Variants in GLYATL2 observed in about 807,000 individuals in gnomAD.
The protein encoded by GLYATL2 is glycine N-acyltransferase-like protein 2.
In GLYATL2, 25 loss-of-function variants were observed where a neutral mutation model predicts 21.4. That is an observed-to-expected ratio of 1.17 (90% CI 0.85 to 1.63). The LOEUF (loss-of-function observed/expected upper bound fraction) is 1.63. Ranked by LOEUF, GLYATL2 falls within the 40% of genes most tolerant of loss-of-function variation. The pLI is 0.00. For synonymous variants in GLYATL2, 114 were observed against 118.2 expected (o/e 0.96, Z 0.23); for missense variants, 361 against 343.3 (o/e 1.05, Z -0.41).
rs978132949 is a variant in GLYATL2, at chr11:58,883,262, A to C, written n.60+20894T>G. On this transcript the variant is annotated intron_variant and non_coding_transcript_variant, in intron 1 of 4. Coordinates refer to the GLYATL2 transcript ENST00000533636. ...GTGGTTTGTAGTTCTCCTTCAAAAA[A>C]ATCAATGAATCCAGGAGCTGGTTTT... 2.0e-5 allele frequency among the ~76,000 whole-genome samples: 3 copies of C among 152,114 alleles called. No individual in the cohort carries two copies. In the East Asian group the frequency reaches 5.8e-4, roughly 29 times the overall value.
At chr11:58,870,384 G>T (rs1342099990) in intron 1 of GLYATL2, among the ~76,000 whole-genome samples, 1 of 152,220 alleles carries the variant, frequency 6.6e-6, no homozygotes, top group Non-Finnish European at 1.5e-5. Flanking sequence ...GGTGACTGGA[G>T]TCTAAGTCAT....
chr11:58,902,488 C>T (rs1345709271), intron 1 of GLYATL2, among the ~76,000 whole-genome samples: 4 of 152,154 alleles, frequency 2.6e-5, no homozygotes, highest in Admixed American at 6.5e-5. Context: ...TCTGTATTCC[C>T]AGAACATGTT....
chr11:58,891,259 T>C (rs893141924), intron 1 of GLYATL2, among the ~76,000 whole-genome samples: 1 of 152,196 alleles, frequency 6.6e-6, no homozygotes, highest in Admixed American at 6.5e-5. Flanking sequence ...CACTTATTGT[T>C]TATATTTCCC....
intron 1 of GLYATL2, among the ~76,000 whole-genome samples, chr11:58,874,203 G>A (rs1037561424): frequency 2.6e-5 from 4 of 152,068 alleles, no homozygotes; most frequent in Admixed American, 2.6e-4. Context: ...AGTCTTGCTA[G>A]TGGTCTATCA....
At chr11:58,905,447 G>A (rs574582777), upstream of GLYATL2, 1 of 455,682 alleles carries the variant, frequency 2.2e-6, no homozygotes, top group Non-Finnish European at 4.4e-6. Flanking sequence ...GGGCAGCAAT[G>A]GCCACACACC....
chr11:58,874,707 A>G (rs1854193298), intron 1 of GLYATL2, among the ~76,000 whole-genome samples: 1 of 152,224 alleles, frequency 6.6e-6, no homozygotes, highest in African/African-American at 2.4e-5. Context: ...CTTTACTTCC[A>G]ACTATGTGGT....
chr11:58,905,742 G>A (rs1021719794), upstream of GLYATL2: 1 of 369,448 alleles, frequency 2.7e-6, no homozygotes, highest in Non-Finnish European at 5.4e-6. Context: ...GACAAATAGG[G>A]AGGGTGGGCG....
intron 1 of GLYATL2, among the ~76,000 whole-genome samples, chr11:58,854,648 T>A (rs1242740413): frequency 6.6e-6 from 1 of 151,638 alleles, no homozygotes; most frequent in Non-Finnish European, 1.5e-5. Context: ...CAAATAAGCT[T>A]GTTGCATTGA....
chr11:58,872,318 G>A (rs1036976912), intron 1 of GLYATL2, among the ~76,000 whole-genome samples: 1 of 152,142 alleles, frequency 6.6e-6, no homozygotes, highest in Non-Finnish European at 1.5e-5. Context: ...TTTGGCTTTC[G>A]TTGCCATTGC....
At chr11:58,841,211 T>C (rs1429228158) in intron 1 of GLYATL2, among the ~76,000 whole-genome samples, 2 of 152,162 alleles carry the variant, frequency 1.3e-5, no homozygotes, top group Non-Finnish European at 2.9e-5. Context: ...AAATATGACA[T>C]CTATGTATGC....
Position 58,834,612 on chromosome 11 carries a change from G to T in GLYATL2, c.702C>A (p.His234Gln), listed in dbSNP as rs1274087477. 1.2e-6 allele frequency: 2 copies of T among 1,613,538 alleles called. No individual in the cohort carries two copies. Among genetic ancestry groups the T allele is most frequent in the Admixed American group, 1.7e-5 (1 of 59,998 alleles). Reference protein sequence around the residue: ...RMGYTVPKYRHQGNMLQIGYH... With the variant: ...RMGYTVPKYRQQGNMLQIGYH... ...AACCAATTTGCAACATGTTGCCTTGGTGTCTGTATTTGGGGACAGTATAAC... is the reference window on the plus strand; with the variant it reads ...AACCAATTTGCAACATGTTGCCTTGTTGTCTGTATTTGGGGACAGTATAAC... The change falls in exon 6 of 6, where the codon CAC becomes CAA. Residue 234 changes from histidine (H) to glutamine (Q), a missense_variant. Transcript: ENST00000287275.
chr11:58,884,727 C>T (rs558855868), intron 1 of GLYATL2, among the ~76,000 whole-genome samples: 139 of 152,242 alleles, frequency 9.1e-4, no homozygotes, highest in African/African-American at 3.2e-3. Context: ...ATCTGACTGA[C>T]ATTTATCTCT....
At chr11:58,889,081 C>G (rs1348563724) in intron 1 of GLYATL2, among the ~76,000 whole-genome samples, 1 of 151,542 alleles carries the variant, frequency 6.6e-6, no homozygotes, top group East Asian at 1.9e-4. Context: ...TATTGTTTTC[C>G]TGTGGTAAAC....
At chr11:58,841,243 G>A (rs1853546305) in intron 1 of GLYATL2, among the ~76,000 whole-genome samples, 1 of 152,108 alleles carries the variant, frequency 6.6e-6, no homozygotes, top group Non-Finnish European at 1.5e-5. Flanking sequence ...TAAGTGTATA[G>A]CCATAATCAA....
chr11:58,884,056 T>C (rs1419958551), intron 1 of GLYATL2, among the ~76,000 whole-genome samples: 3 of 152,158 alleles, frequency 2.0e-5, no homozygotes, highest in Non-Finnish European at 4.4e-5. Flanking sequence ...TAGGTATTGA[T>C]GGGATGAATC....
intron 1 of GLYATL2, among the ~76,000 whole-genome samples, chr11:58,882,911 A>G (rs1363780833): frequency 6.6e-6 from 1 of 152,070 alleles, no homozygotes; most frequent in Admixed American, 6.6e-5. Context: ...GTTCTGTTCC[A>G]TTGGTCTATA....
intron 1 of GLYATL2, 69 bp from the exon 2 acceptor site, chr11:58,839,721 G>C (rs975473201): frequency 4.2e-6 from 3 of 707,552 alleles, no homozygotes; most frequent in Admixed American, 2.6e-5. Context: ...GAAGAGGAAG[G>C]AGAAGTCACC....
intron 3 of GLYATL2, 114 bp from the exon 4 acceptor site, chr11:58,837,511 C>A: frequency 9.7e-7 from 1 of 1,028,356 alleles, no homozygotes; most frequent in Admixed American, 2.3e-5. Context: ...TTTTCTGAGA[C>A]AGGTGTAGAA....
At chr11:58,901,365 T>G (rs1854737401) in intron 1 of GLYATL2, among the ~76,000 whole-genome samples, 1 of 152,190 alleles carries the variant, frequency 6.6e-6, no homozygotes, top group Admixed American at 6.5e-5. Context: ...TCTCAGGTAG[T>G]TATGTTGATG....
Sources: allele counts gnomAD v4.1 joint callset (sites outside exome capture counted in the v4.1 genomes callset), GRCh38; gene constraint gnomAD v4.1.1; transcripts MANE v1.5; gene names NCBI Gene and HGNC (gene_info 2026-07-23, HGNC 2026-07-21).